AQR: variants seen among roughly 807,000 people sequenced by gnomAD.
The protein encoded by AQR is RNA helicase aquarius.
Under a neutral mutation model 180.5 loss-of-function variants are expected in AQR, and 61 were observed. That is an observed-to-expected ratio of 0.34 (90% CI 0.28 to 0.42). AQR has a LOEUF of 0.42. AQR is among the 10% of genes least tolerant of loss of function. The pLI is 1.00. For missense variants in AQR, 1,281 were observed against 1,798.3 expected (o/e 0.71, Z 5.20); for synonymous variants, 551 against 588.8 (o/e 0.94, Z 0.93).
chr15:34,861,215 A>T (rs1044091813), intron 33 of AQR, among the ~76,000 whole-genome samples: 7 of 152,244 alleles, frequency 4.6e-5, no homozygotes, highest in African/African-American at 1.7e-4. Context: ...TCTCAGAAGT[A>T]AGCAGGATGG....
chr15:34,864,014 G>C (rs1892708286), intron 32 of AQR, among the ~76,000 whole-genome samples: 1 of 152,132 alleles, frequency 6.6e-6, no homozygotes, highest in South Asian at 2.1e-4. Context: ...GAAAGAAAGT[G>C]TGAAGAGTGT....
chr15:34,920,165 A>AGAT (rs900128851), intron 14 of AQR, among the ~76,000 whole-genome samples, 167 bp downstream of exon 14: 1 of 152,226 alleles, frequency 6.6e-6, no homozygotes, highest in Non-Finnish European at 1.5e-5. Context: ...GAAATTCGAA[A>AGAT]GATGAGAAAA....
chr15:34,946,501 C>G (rs1262482447), intron 5 of AQR, among the ~76,000 whole-genome samples: 1 of 140,760 alleles, frequency 7.1e-6, no homozygotes, highest in Admixed American at 6.9e-5. Flanking sequence ...GCCCCCCGCC[C>G]GGCCAGCCGC....
chr15:34,885,918 T>C (rs1222830827), intron 25 of AQR, among the ~76,000 whole-genome samples: 1 of 152,182 alleles, frequency 6.6e-6, no homozygotes, highest in Non-Finnish European at 1.5e-5. Context: ...TAGCCAATTA[T>C]GTCCTAGTCC....
chr15:34,879,405 T>C (rs1892935965), intron 27 of AQR, among the ~76,000 whole-genome samples: 1 of 152,194 alleles, frequency 6.6e-6, no homozygotes, highest in African/African-American at 2.4e-5. Flanking sequence ...CTCTAGAATC[T>C]ACACATGCCA....
chr15:34,889,153 T>C (rs1211119787), intron 24 of AQR, among the ~76,000 whole-genome samples: 1 of 152,206 alleles, frequency 6.6e-6, no homozygotes, highest in Admixed American at 6.5e-5. Flanking sequence ...CCTACCTTTG[T>C]AAGTTGGCTT....
At chr15:34,923,994 T>C (rs1893719471) in intron 13 of AQR, among the ~76,000 whole-genome samples, 1 of 152,202 alleles carries the variant, frequency 6.6e-6, no homozygotes, top group African/African-American at 2.4e-5. Flanking sequence ...TATCTATAGA[T>C]TAATTTGGGA....
intron 3 of AQR, among the ~76,000 whole-genome samples, chr15:34,958,649 T>C (rs1009488228): frequency 6.6e-6 from 1 of 152,138 alleles, no homozygotes; most frequent in Non-Finnish European, 1.5e-5. Context: ...GAAATATTAA[T>C]AGCAAGGGTT....
At chr15:34,951,917 G>A (rs933222797) in intron 4 of AQR, among the ~76,000 whole-genome samples, 1 of 152,080 alleles carries the variant, frequency 6.6e-6, no homozygotes, top group Non-Finnish European at 1.5e-5. Context: ...TACAAAATAA[G>A]GAAGATCTTA....
chr15:34,968,314 G>C (rs1175823817), intron 1 of AQR, among the ~76,000 whole-genome samples: 4 of 150,866 alleles, frequency 2.7e-5, no homozygotes, highest in African/African-American at 2.4e-5. Flanking sequence ...GTGCAGTGGC[G>C]CGATCTCGGC....
intron 3 of AQR, 54 bp downstream of exon 3, chr15:34,960,720 G>T: frequency 1.3e-6 from 1 of 751,650 alleles, no homozygotes; most frequent in Non-Finnish European, 2.2e-6. Context: ...GTTCAGCCAA[G>T]ATCCAACTTG....
intron 19 of AQR, 128 bp from the exon 20 acceptor site, chr15:34,900,991 G>T: frequency 8.1e-7 from 1 of 1,238,710 alleles, no homozygotes; most frequent in Non-Finnish European, 1.1e-6. Context: ...GCTATTTTCC[G>T]CTGGCTGACA....
At chr15:34,863,380 C>T (rs1892698019) in intron 32 of AQR, among the ~76,000 whole-genome samples, 2 of 152,140 alleles carry the variant, frequency 1.3e-5, no homozygotes, top group African/African-American at 4.8e-5. Flanking sequence ...TCAATTCGAA[C>T]TAGCTCTTCT....
intron 3 of AQR, among the ~76,000 whole-genome samples, chr15:34,958,972 GATAT>G (rs1336645081): frequency 7.3e-6 from 1 of 137,268 alleles, no homozygotes. Flanking sequence ...ATTACATATA[GATAT>G]ATAGATATAG....
intron 24 of AQR, among the ~76,000 whole-genome samples, chr15:34,887,463 A>G (rs755375253): frequency 7.2e-5 from 11 of 152,254 alleles, no homozygotes; most frequent in Admixed American, 1.3e-4. Flanking sequence ...TCATCTACAT[A>G]TCCCAATACA....
At chr15:34,953,312 G>A (rs1208695249) in intron 3 of AQR, among the ~76,000 whole-genome samples, 1 of 152,036 alleles carries the variant, frequency 6.6e-6, no homozygotes, top group Non-Finnish European at 1.5e-5. Flanking sequence ...TGTTTTATAT[G>A]AATAAACAAT....
intron 4 of AQR, among the ~76,000 whole-genome samples, chr15:34,949,411 C>T (rs548529092): frequency 2.4e-3 from 365 of 151,352 alleles, no homozygotes; most frequent in African/African-American, 8.3e-3. Context: ...GAGATCGAGA[C>T]CATCCTGGCC....
At chr15:34,937,286 A>G (rs1449942612) in intron 9 of AQR, among the ~76,000 whole-genome samples, 1 of 152,080 alleles carries the variant, frequency 6.6e-6, no homozygotes, top group African/African-American at 2.4e-5. Context: ...CAGCCTCCCA[A>G]AGTGCTGGGA....
chr15:34,944,399 T>G lies in AQR; in HGVS notation c.360A>C (p.Pro120=). The part of the protein sequence containing the change: ...EIFKKKPDHF[P]FFFKHILKAA... ...CCTTCAAGATGTGTTTAAAAAAGAA[T>G]GGGAAGTGGTCTGGCTTCTTCTTAA... Residue 120 remains proline, a synonymous_variant, in exon 6 of 35, where the codon CCA becomes CCC. Transcript: ENST00000156471. 2 of 1,606,064 alleles carry G rather than the reference T, an allele frequency of 1.2e-6. No homozygotes were observed. The highest frequency in any genetic ancestry group is 1.3e-5 in the African/African-American group (1 of 74,600).
Sources: gnomAD v4.1 joint callset for allele counts (sites outside exome capture counted in the v4.1 genomes callset) on GRCh38, gnomAD v4.1.1 for gene constraint, MANE v1.5 for transcripts, NCBI Gene and HGNC (gene_info 2026-07-23, HGNC 2026-07-21) for gene names.